TASP1: variants seen among roughly 807,000 people sequenced by gnomAD.
The protein encoded by TASP1 is taspase 1.
Under a neutral mutation model 56.6 loss-of-function variants are expected in TASP1, and 16 were observed. That is an observed-to-expected ratio of 0.28 (90% CI 0.19 to 0.43). The LOEUF is 0.43. Ranked by LOEUF, TASP1 falls within the 20% of genes least tolerant of loss-of-function variation. The pLI, the probability that TASP1 is intolerant of heterozygous loss-of-function variation, is 1.00. For missense variants in TASP1, 393 were observed against 511.6 expected, an observed-to-expected ratio of 0.77 and a Z score of 2.24; for synonymous variants, 179 against 184.2, an observed-to-expected ratio of 0.97 and a Z score of 0.23.
the TASP1 span, among the ~76,000 whole-genome samples, chr20:13,135,079 T>A: frequency 1.3e-5 from 2 of 152,228 alleles, no homozygotes; most frequent in African/African-American, 4.8e-5. Context: ...AACATTCATT[T>A]TATTGTTTGA....
chr20:13,588,993 C>T (rs1414642608), intron 4 of TASP1, among the ~76,000 whole-genome samples: 2 of 151,334 alleles, frequency 1.3e-5, no homozygotes, highest in East Asian at 1.9e-4. Context: ...AAATAATACA[C>T]CCTTATAATC....
the TASP1 span, among the ~76,000 whole-genome samples, chr20:13,287,352 C>T: frequency 5.9e-5 from 9 of 152,064 alleles, no homozygotes; most frequent in South Asian, 4.1e-4. Context: ...TTCACTGCCA[C>T]GAAAACAACA....
At chr20:13,509,780 T>C (rs544892317) in intron 10 of TASP1, among the ~76,000 whole-genome samples, 79 of 152,134 alleles carry the variant, frequency 5.2e-4, no homozygotes, top group African/African-American at 1.9e-3. Flanking sequence ...GCGCGCACCA[T>C]CACGCCCGGC....
the TASP1 span, among the ~76,000 whole-genome samples, chr20:13,105,499 T>A: frequency 1.2e-4 from 18 of 152,196 alleles, no homozygotes; most frequent in Non-Finnish European, 2.4e-4. Context: ...GTGTTATTTT[T>A]AAAAATGGAG....
Position 13,552,351 on chromosome 20 carries a change from TA to T in TASP1, c.675+6656del, listed in dbSNP as rs202090000. Among the ~76,000 whole-genome samples the T allele has an allele frequency of 4.8e-3, 726 of 152,236 alleles. 4 individuals are homozygous for T. Among genetic ancestry groups the T allele is most frequent in the African/African-American group, 0.016 (652 of 41,540 alleles). On this transcript the variant is annotated intron_variant, in intron 8 of 13. Transcript: ENST00000337743. ...GGTGGAAACGTTGCCTCTCTGTCTC[TA>T]AGTGATGAATTTACAGAAGAAAGTC...
the TASP1 span, among the ~76,000 whole-genome samples, chr20:13,111,844 T>C: frequency 6.6e-6 from 1 of 152,200 alleles, no homozygotes; most frequent in Non-Finnish European, 1.5e-5. Context: ...ATTTTGATCA[T>C]GGCTGAAATT....
the TASP1 span, among the ~76,000 whole-genome samples, chr20:13,352,073 C>T: frequency 1.3e-5 from 2 of 152,160 alleles, no homozygotes; most frequent in Non-Finnish European, 2.9e-5. Context: ...CAGAGCTTAT[C>T]CAACTTGTGC....
chr20:13,420,057 T>A (rs148516646), intron 12 of TASP1, among the ~76,000 whole-genome samples: 20 of 152,316 alleles, frequency 1.3e-4, no homozygotes, highest in Non-Finnish European at 2.2e-4. Context: ...AGTTAAAGCA[T>A]TTCTAAAATT....
chr20:13,486,865 C>G (rs1390559705), intron 10 of TASP1, among the ~76,000 whole-genome samples: 2 of 152,142 alleles, frequency 1.3e-5, no homozygotes, highest in Admixed American at 1.3e-4. Context: ...GCAAAAAGAC[C>G]TACAGTTGCA....
the TASP1 span, among the ~76,000 whole-genome samples, chr20:13,309,074 C>G: frequency 6.6e-6 from 1 of 152,096 alleles, no homozygotes; most frequent in Non-Finnish European, 1.5e-5. Flanking sequence ...CCTGAACTGA[C>G]TAAGACAGTA....
At chr20:13,626,663 A>G (rs368430222) in intron 2 of TASP1, among the ~76,000 whole-genome samples, 3 of 152,152 alleles carry the variant, frequency 2.0e-5, no homozygotes, top group East Asian at 3.9e-4. Flanking sequence ...CCTGTTTCTC[A>G]AGAGAACTCT....
the TASP1 span, among the ~76,000 whole-genome samples, chr20:13,278,052 C>T: frequency 4.1e-3 from 618 of 152,292 alleles, 6 homozygotes; most frequent in African/African-American, 0.014. Flanking sequence ...AGTGGAAATG[C>T]GTCTGCCCAG....
intron 10 of TASP1, among the ~76,000 whole-genome samples, chr20:13,489,775 T>C (rs886464475): frequency 5.3e-5 from 8 of 152,310 alleles, no homozygotes; most frequent in African/African-American, 1.7e-4. Context: ...AAAATTACCA[T>C]TTAACCATTT....
the TASP1 span, among the ~76,000 whole-genome samples, chr20:13,227,404 C>T: frequency 1.3e-5 from 2 of 151,760 alleles, no homozygotes; most frequent in East Asian, 1.9e-4. Flanking sequence ...AGGGTTTCAC[C>T]GTGTTAGCTA....
chr20:13,441,843 G>A (rs1162572982), intron 11 of TASP1, among the ~76,000 whole-genome samples: 2 of 152,126 alleles, frequency 1.3e-5, no homozygotes, highest in African/African-American at 4.8e-5. Context: ...AACTAATAGA[G>A]TTGTTGATGG....
At chr20:13,477,664 T>C (rs1173234047) in intron 11 of TASP1, among the ~76,000 whole-genome samples, 1 of 152,196 alleles carries the variant, frequency 6.6e-6, no homozygotes, top group Admixed American at 6.5e-5. Flanking sequence ...TATGTGTATA[T>C]GTGTGTAATC....
intron 4 of TASP1, among the ~76,000 whole-genome samples, chr20:13,607,695 T>C (rs999659166): frequency 1.2e-4 from 18 of 152,184 alleles, no homozygotes; most frequent in Non-Finnish European, 2.1e-4. Flanking sequence ...ATTAGATACA[T>C]GAAATAAAGT....
At chr20:13,462,267 A>G (rs1280234928) in intron 11 of TASP1, among the ~76,000 whole-genome samples, 3 of 152,144 alleles carry the variant, frequency 2.0e-5, no homozygotes, top group African/African-American at 7.2e-5. Flanking sequence ...ATTATCCTGT[A>G]GTCATATGCA....
At chr20:13,600,076 T>C (rs1429815387) in intron 4 of TASP1, among the ~76,000 whole-genome samples, 1 of 152,118 alleles carries the variant, frequency 6.6e-6, no homozygotes, top group Non-Finnish European at 1.5e-5. Context: ...ATAAACATAA[T>C]ACATACAAGA....
Sources: gnomAD v4.1 joint callset for allele counts (sites outside exome capture counted in the v4.1 genomes callset) on GRCh38, gnomAD v4.1.1 for gene constraint, MANE v1.5 for transcripts, NCBI Gene and HGNC (gene_info 2026-07-23, HGNC 2026-07-21) for gene names.